SLC25A21: variants seen among roughly 807,000 people sequenced by gnomAD.
The protein encoded by SLC25A21 is solute carrier family 25 member 21, also known as mitochondrial 2-oxodicarboxylate carrier.
Under a neutral mutation model 43.8 loss-of-function variants are expected in SLC25A21, and 47 were observed. The observed-to-expected ratio is 1.07, with a 90% CI of 0.85 to 1.37. SLC25A21 has a LOEUF of 1.37. Among genes scored for constraint, SLC25A21 ranks in the 40% most tolerant of loss-of-function variants. The pLI, the probability that SLC25A21 is intolerant of heterozygous loss-of-function variation, is 0.00. For missense variants in SLC25A21, 352 were observed against 350.2 expected (o/e 1.00, Z -0.04); for synonymous variants, 131 against 121.3 (o/e 1.08, Z -0.52).
At chr14:36,937,061 T>C (rs893950830) in intron 1 of SLC25A21, among the ~76,000 whole-genome samples, 1 of 152,188 alleles carries the variant, frequency 6.6e-6, no homozygotes, top group Non-Finnish European at 1.5e-5. Context: ...GCTTGCTAAA[T>C]ATTTGCTTCA....
In SLC25A21 at chr14:36,766,126, C is replaced by A. The variant is rs1005822260; in HGVS notation, c.204-31553G>T. ...CAATAGCCTATAGTTTATTTCCCCACCTTGTTCTCTTTCTCTCAACCATGA... is the reference window on the plus strand; with the variant it reads ...CAATAGCCTATAGTTTATTTCCCCAACTTGTTCTCTTTCTCTCAACCATGA... On this transcript the variant is annotated intron_variant, in intron 3 of 9. Transcript: ENST00000331299. Among the ~76,000 whole-genome samples the A allele has an allele frequency of 3.0e-5, 3 of 98,856 alleles. No individual in the cohort carries two copies. In the Admixed American group the frequency reaches 3.1e-4, roughly 10 times the overall value. 64.9% of individuals were successfully genotyped at this position (98,856 alleles called of 152,430 possible).
intron 2 of SLC25A21, among the ~76,000 whole-genome samples, chr14:36,854,867 C>T (rs899062553): frequency 6.7e-6 from 1 of 149,018 alleles, no homozygotes; most frequent in Non-Finnish European, 1.5e-5. Context: ...AAGAGACTGA[C>T]AGTGTACAGA....
intron 1 of SLC25A21, among the ~76,000 whole-genome samples, chr14:37,065,285 T>C (rs1030772990): frequency 5.9e-5 from 9 of 152,144 alleles, no homozygotes; most frequent in African/African-American, 2.2e-4. Context: ...GACTTCCCAC[T>C]GAAAACAACA....
intron 1 of SLC25A21, among the ~76,000 whole-genome samples, chr14:37,166,778 C>T (rs933749928): frequency 6.6e-6 from 1 of 152,134 alleles, no homozygotes; most frequent in Non-Finnish European, 1.5e-5. Context: ...AGAGATATAT[C>T]TTCTTGATGA....
intron 7 of SLC25A21, among the ~76,000 whole-genome samples, chr14:36,694,200 A>G (rs751173413): frequency 4.6e-5 from 7 of 152,224 alleles, no homozygotes; most frequent in South Asian, 2.1e-4. Context: ...GGTCAGAATG[A>G]CGGTTTCCAG....
intron 2 of SLC25A21, among the ~76,000 whole-genome samples, chr14:36,863,973 GA>G (rs1890143646): frequency 6.6e-6 from 1 of 152,190 alleles, no homozygotes; most frequent in Non-Finnish European, 1.5e-5. Flanking sequence ...CTAGCCCAAA[GA>G]GAGGTGGAAC....
intron 2 of SLC25A21, among the ~76,000 whole-genome samples, chr14:36,857,661 G>C (rs1184947474): frequency 6.6e-6 from 1 of 152,200 alleles, no homozygotes; most frequent in Non-Finnish European, 1.5e-5. Flanking sequence ...CGTCCTTCAG[G>C]GAATGGTGGA....
At chr14:36,936,320 T>G (rs985145935) in intron 1 of SLC25A21, among the ~76,000 whole-genome samples, 5 of 152,148 alleles carry the variant, frequency 3.3e-5, no homozygotes, top group Admixed American at 6.6e-5. Context: ...CAGACTGGAA[T>G]GCTTTCCACC....
At chr14:36,751,220 GAAC>G (rs944356386) in intron 3 of SLC25A21, among the ~76,000 whole-genome samples, 14 of 152,152 alleles carry the variant, frequency 9.2e-5, no homozygotes, top group Non-Finnish European at 1.8e-4. Context: ...TTAAATGCTA[GAAC>G]AACATTTAAA....
At position 36,961,209 on chromosome 14, in the gene SLC25A21, C is replaced by T. The variant is rs538119151; in HGVS notation, c.71-86205G>A. On this transcript the variant is annotated intron_variant, in intron 1 of 9. Transcript: ENST00000331299. ...TTAGCAAGCCTTCCGCACGTGTTTTCGTTTTTTGGTTTTTTTTTTTGAGAC... is the reference window on the plus strand; with the variant it reads ...TTAGCAAGCCTTCCGCACGTGTTTTTGTTTTTTGGTTTTTTTTTTTGAGAC... Among the ~76,000 whole-genome samples the T allele has an allele frequency of 1.3e-3, 193 of 145,018 alleles. 2 individuals carry two copies. The highest frequency in any genetic ancestry group is 1.8e-3 in the Non-Finnish European group (118 of 66,190).
intron 2 of SLC25A21, among the ~76,000 whole-genome samples, chr14:36,864,478 G>A (rs1283690245): frequency 6.6e-6 from 1 of 152,136 alleles, no homozygotes; most frequent in Non-Finnish European, 1.5e-5. Context: ...ATACAGTATT[G>A]TGGTCCACCC....
intron 7 of SLC25A21, among the ~76,000 whole-genome samples, chr14:36,694,759 GT>G (rs1010384224): frequency 1.3e-5 from 2 of 152,060 alleles, no homozygotes; most frequent in African/African-American, 4.8e-5. Context: ...TCATGAGGTT[GT>G]TTTTTTCTTG....
chr14:36,832,978 GA>G lies in SLC25A21; in HGVS notation c.120-18978del, dbSNP rs900807392. ...AATAATTTCATTTTGCTTAAAATTGGAAAAAAAACCTGGATTTCATTAAGAG... is the reference window on the plus strand; with the variant it reads ...AATAATTTCATTTTGCTTAAAATTGGAAAAAAACCTGGATTTCATTAAGAG... On this transcript the variant is annotated intron_variant, in intron 2 of 9. Coordinates refer to ENST00000331299, the MANE Select transcript of SLC25A21 (RefSeq NM_030631.4). 2.0e-5 allele frequency among the ~76,000 whole-genome samples: 3 copies of G among 151,492 alleles called. No individual in the cohort carries two copies. The East Asian group carries it at 5.8e-4, about 29-fold the overall frequency.
chr14:36,903,450 A>G (rs546258376), intron 1 of SLC25A21, among the ~76,000 whole-genome samples: 1 of 151,802 alleles, frequency 6.6e-6, no homozygotes, highest in South Asian at 2.1e-4. Context: ...CGTCTCTACT[A>G]AAAATACAAA....
Position 36,947,633 on chromosome 14 carries a change from C to T in SLC25A21, c.71-72629G>A, listed in dbSNP as rs117755249. Among the ~76,000 whole-genome samples, 1,201 of 152,278 alleles carry T rather than the reference C, an allele frequency of 7.9e-3. 3 individuals carry two copies. The highest frequency in any genetic ancestry group is 0.012 in the Non-Finnish European group (843 of 68,022). The stretch of plus-strand genomic sequence containing the variant: ...GCTTCTCCCCATATATAGACACACA[C>T]ATCTGATGATATTTTAGGTCTGATT... On this transcript the variant is annotated intron_variant, in intron 1 of 9. Transcript: ENST00000331299.
chr14:36,935,554 G>A (rs1325494235), intron 1 of SLC25A21, among the ~76,000 whole-genome samples: 1 of 152,162 alleles, frequency 6.6e-6, no homozygotes, highest in Non-Finnish European at 1.5e-5. Context: ...TTTTAGTGGA[G>A]CGGATCCACA....
intron 1 of SLC25A21, among the ~76,000 whole-genome samples, chr14:37,015,329 A>T (rs919076116): frequency 2.0e-4 from 30 of 151,324 alleles, no homozygotes; most frequent in South Asian, 1.3e-3. Flanking sequence ...GCTGAGAATG[A>T]TGATTTCCAA....
At chr14:36,807,221 G>A (rs751556568) in intron 3 of SLC25A21, 1 of 152,210 alleles carries the variant, frequency 6.6e-6, no homozygotes, top group Non-Finnish European at 1.5e-5. Flanking sequence ...AGCCAGATGT[G>A]AACTCCACCG....
At chr14:36,820,215 T>C (rs1460877763) in intron 2 of SLC25A21, among the ~76,000 whole-genome samples, 3 of 152,198 alleles carry the variant, frequency 2.0e-5, no homozygotes, top group African/African-American at 7.2e-5. Flanking sequence ...CTCTTCTGCC[T>C]TCTCCCATTC....
Sources: gnomAD v4.1 joint callset for allele counts (sites outside exome capture counted in the v4.1 genomes callset) on GRCh38, gnomAD v4.1.1 for gene constraint, MANE v1.5 for transcripts, NCBI Gene and HGNC (gene_info 2026-07-23, HGNC 2026-07-21) for gene names.